The following REPS2 variants were observed in gnomAD, a reference collection of about 807,000 sequenced individuals.
The protein encoded by REPS2 is ralBP1-associated Eps domain-containing protein 2.
A neutral mutation model predicts 53.6 loss-of-function variants in REPS2; 23 were observed. The observed-to-expected ratio is 0.43, with a 90% CI of 0.31 to 0.61. The LOEUF is 0.61. Among genes scored for constraint, REPS2 ranks in the 20% least tolerant of loss-of-function variants. The pLI, the probability that REPS2 is intolerant of heterozygous loss-of-function variation, is 0.11. For missense variants in REPS2, 446 were observed against 534.9 expected (o/e 0.83, Z 1.64); for synonymous variants, 238 against 218.6 (o/e 1.09, Z -0.78).
rs747000229 is a variant in REPS2, at chrX:17,068,784, T to G, written c.1279+313T>G. Among the ~76,000 whole-genome samples the G allele has an allele frequency of 9.8e-5, 11 of 112,561 alleles. 1 individual carries two copies. The highest frequency in any genetic ancestry group is 2.1e-4 in the Non-Finnish European group (11 of 53,304). On this transcript the variant is annotated intron_variant, in intron 10 of 17. Coordinates refer to ENST00000357277, the MANE Select transcript of REPS2 (RefSeq NM_004726.3). Reference sequence around the variant, plus strand: ...CAGGAAGCTGAACGAATTGAGAACATGTTGTGTTTGCGGATGTGATCCCAG... The same window carrying G: ...CAGGAAGCTGAACGAATTGAGAACAGGTTGTGTTTGCGGATGTGATCCCAG...
intron 14 of REPS2, among the ~76,000 whole-genome samples, chrX:17,105,458 G>A (rs1407234207): frequency 1.8e-5 from 2 of 112,173 alleles, no homozygotes. Flanking sequence ...GTTACTACCC[G>A]GTCCCAAAAT....
At chrX:17,146,266 G>C (rs771125609) in intron 17 of REPS2, among the ~76,000 whole-genome samples, 8 of 110,233 alleles carry the variant, frequency 7.3e-5, no homozygotes, top group Non-Finnish European at 1.3e-4. Flanking sequence ...ATCTACTCTG[G>C]TCACACAGGC....
chrX:17,145,838 A>T (rs1371736264), intron 17 of REPS2, among the ~76,000 whole-genome samples: 1 of 112,014 alleles, frequency 8.9e-6, no homozygotes, highest in East Asian at 2.8e-4. Context: ...GGCCGGGTGC[A>T]GTGGCCCACG....
At chrX:17,020,082 C>T (rs2061552253) in intron 2 of REPS2, among the ~76,000 whole-genome samples, 1 of 111,686 alleles carries the variant, frequency 9.0e-6, no homozygotes, top group Non-Finnish European at 1.9e-5. Context: ...AGGTGGTTTT[C>T]TAGGCACATA....
chrX:17,004,796 T>G (rs1291209291), intron 1 of REPS2, among the ~76,000 whole-genome samples: 1 of 111,984 alleles, frequency 8.9e-6, no homozygotes, highest in Non-Finnish European at 1.9e-5. Context: ...AAAGTTAACT[T>G]GATAGTAGAT....
intron 4 of REPS2, among the ~76,000 whole-genome samples, chrX:17,027,672 T>G (rs915396490): frequency 9.7e-6 from 1 of 103,368 alleles, no homozygotes; most frequent in African/African-American, 3.5e-5. Context: ...TTTTTTTTTT[T>G]TTTTTTTTTT....
chrX:17,151,608 TA>T lies in REPS2; in HGVS notation c.*4132del, dbSNP rs1189611994. ...CACCAAGGGAATGTGGTTTTAAAAATAAAAAGAAAACAATATAACGTATCAT... is the reference window on the plus strand; with the variant it reads ...CACCAAGGGAATGTGGTTTTAAAAATAAAAGAAAACAATATAACGTATCAT... On this transcript the variant is annotated 3_prime_UTR_variant, in exon 18 of 18. Coordinates refer to ENST00000357277, the MANE Select transcript of REPS2 (RefSeq NM_004726.3). 3 of 112,592 alleles carry T rather than the reference TA, an allele frequency of 2.7e-5. No individual in the cohort carries two copies. Among genetic ancestry groups the T allele is most frequent in the Non-Finnish European group, 5.6e-5 (3 of 53,247 alleles). 9.3% of individuals were successfully genotyped at this position (112,592 alleles called of 1,213,427 possible). A position where few individuals can be genotyped will look rare whatever the true frequency, so the allele number is the denominator to read the frequency against.
intron 9 of REPS2, among the ~76,000 whole-genome samples, chrX:17,067,369 A>G (rs2147967870): frequency 8.9e-6 from 1 of 112,257 alleles, no homozygotes; most frequent in Non-Finnish European, 1.9e-5. Flanking sequence ...TACTGCAATC[A>G]AGCTAGTTAA....
chrX:17,054,739 G>T (rs1602840072), intron 7 of REPS2, 69 bp from the exon 8 acceptor site: 1 of 1,108,334 alleles, frequency 9.0e-7, no homozygotes, highest in East Asian at 3.1e-5. Flanking sequence ...AGTTTTATTG[G>T]CACGTTTGGG....
rs996782499 is a variant in REPS2, at chrX:17,152,226, A to T, written c.*4745A>T. The T allele has an allele frequency of 2.9e-4, 32 of 112,262 alleles. No homozygotes were observed. The highest frequency in any genetic ancestry group is 1.0e-3 in the African/African-American group (31 of 30,976). 9.3% of individuals were successfully genotyped at this position (112,262 alleles called of 1,213,427 possible). ...CTGTGTTACATGCATGCCCTAAAGC[A>T]GTCAGTCTGTTAGTATGAGCAAGAC... On this transcript the variant is annotated 3_prime_UTR_variant, in exon 18 of 18. Coordinates refer to ENST00000357277, the MANE Select transcript of REPS2 (RefSeq NM_004726.3).
At chrX:17,100,383 C>A in intron 13 of REPS2, 1 of 440,710 alleles carries the variant, frequency 2.3e-6, no homozygotes, top group African/African-American at 2.4e-5. Flanking sequence ...ATCGGTGCTG[C>A]GCTATTGGCG....
the REPS2 span, among the ~76,000 whole-genome samples, chrX:17,178,778 A>T: frequency 9.0e-6 from 1 of 110,720 alleles, no homozygotes; most frequent in Non-Finnish European, 1.9e-5. Flanking sequence ...AAATACAAAA[A>T]TTAGCCAGGT....
At chrX:17,029,505 C>T (rs1163194504) in intron 4 of REPS2, 21 bp from the exon 5 acceptor site, 1 of 1,118,221 alleles carries the variant, frequency 8.9e-7, no homozygotes, top group Non-Finnish European at 1.2e-6. Context: ...ACCATACTGA[C>T]TTTCCTTTCT....
chrX:17,164,525 A>G, the REPS2 span, among the ~76,000 whole-genome samples: 2 of 112,401 alleles, frequency 1.8e-5, no homozygotes, highest in Non-Finnish European at 3.8e-5. Flanking sequence ...AAAAGAGTCA[A>G]TTCATCAGGA....
intron 13 of REPS2, among the ~76,000 whole-genome samples, chrX:17,082,100 G>C (rs2062464824): frequency 9.0e-6 from 1 of 111,456 alleles, no homozygotes; most frequent in Non-Finnish European, 1.9e-5. Flanking sequence ...TTCTACTCTT[G>C]ATTCAGACCT....
chrX:17,164,725 T>A, the REPS2 span, among the ~76,000 whole-genome samples: 1 of 110,698 alleles, frequency 9.0e-6, no homozygotes, highest in Non-Finnish European at 1.9e-5. Context: ...AATAACCTAA[T>A]TTTCCACTGT....
rs149291300 is a variant in REPS2, at chrX:16,975,855, A to G, written c.273+28721A>G. On this transcript the variant is annotated intron_variant, in intron 1 of 17. Transcript: ENST00000357277. ...GTCATTTTCTACTATGGAAATAATA[A>G]TGCATGATTTAGCCATGCCTGAGTT... Among the ~76,000 whole-genome samples, 919 of 112,420 alleles carry G rather than the reference A, an allele frequency of 8.2e-3. 10 individuals carry two copies. Among genetic ancestry groups the G allele is most frequent in the African/African-American group, 0.028 (861 of 30,999 alleles).
intron 5 of REPS2, among the ~76,000 whole-genome samples, chrX:17,040,258 A>G (rs758748050): frequency 2.2e-4 from 25 of 112,883 alleles, no homozygotes; most frequent in Non-Finnish European, 3.9e-4. Flanking sequence ...CTCTGACTTC[A>G]GAGGTAAGGG....
chrX:16,997,661 A>G (rs900873666), intron 1 of REPS2, among the ~76,000 whole-genome samples: 3 of 112,513 alleles, frequency 2.7e-5, no homozygotes, highest in African/African-American at 9.7e-5. Context: ...CCAAAACACA[A>G]TTTAGGTGCA....
Sources: gnomAD v4.1 joint callset for allele counts (sites outside exome capture counted in the v4.1 genomes callset) on GRCh38, gnomAD v4.1.1 for gene constraint, MANE v1.5 for transcripts, NCBI Gene and HGNC (gene_info 2026-07-23, HGNC 2026-07-21) for gene names.